The following ZBTB7C variants were observed in gnomAD, a reference collection of about 807,000 sequenced individuals.
ZBTB7C encodes zinc finger and BTB domain-containing protein 7C.
ZBTB7C carries 8 observed loss-of-function variants against 25.7 expected under a neutral mutation model. That is an observed-to-expected ratio of 0.31 (90% confidence interval 0.18 to 0.56). ZBTB7C has a LOEUF of 0.56. Ranked by LOEUF, ZBTB7C falls within the 20% of genes least tolerant of loss-of-function variation. The probability of loss-of-function intolerance (pLI) is 0.91; values close to 1 mark genes in which losing one functional copy is unlikely to be tolerated. For missense variants in ZBTB7C, 824 were observed against 855.2 expected, an observed-to-expected ratio of 0.96 and a Z score of 0.46; for synonymous variants, 394 against 369.0, an observed-to-expected ratio of 1.07 and a Z score of -0.78.
intron 3 of ZBTB7C, among the ~76,000 whole-genome samples, chr18:48,066,376 G>A (rs1001955386): frequency 2.6e-5 from 4 of 152,204 alleles, no homozygotes; most frequent in East Asian, 3.8e-4. Context: ...GGGGTGATGT[G>A]TTTCTAACAA....
At chr18:48,287,377 T>C (rs2045087766) in intron 2 of ZBTB7C, among the ~76,000 whole-genome samples, 1 of 152,200 alleles carries the variant, frequency 6.6e-6, no homozygotes, top group Admixed American at 6.5e-5. Flanking sequence ...CTAAGACAAA[T>C]AGAAAATCTG....
chr18:48,114,729 T>C (rs1446723070), intron 3 of ZBTB7C, among the ~76,000 whole-genome samples: 2 of 152,226 alleles, frequency 1.3e-5, no homozygotes, highest in Non-Finnish European at 2.9e-5. Flanking sequence ...GATCATGGAA[T>C]ACTATTCAGT....
At chr18:48,068,585 C>T (rs1294969513) in intron 3 of ZBTB7C, among the ~76,000 whole-genome samples, 2 of 152,162 alleles carry the variant, frequency 1.3e-5, no homozygotes, top group Admixed American at 6.5e-5. Context: ...GCCTGGGCAT[C>T]AGTGTTTTAA....
chr18:48,031,074 T>C (rs768826851), intron 4 of ZBTB7C, among the ~76,000 whole-genome samples: 15 of 152,164 alleles, frequency 9.9e-5, no homozygotes, highest in African/African-American at 3.4e-4. Context: ...GCTTTGAGGT[T>C]AGAACAGATG....
chr18:48,055,441 G>A lies in ZBTB7C; in HGVS notation c.-16-14318C>T, dbSNP rs1033807952. Among the ~76,000 whole-genome samples, 6 of 145,496 alleles carry A rather than the reference G, an allele frequency of 4.1e-5. No individual in the cohort carries two copies. In the South Asian group the frequency reaches 1.3e-3, roughly 32 times the overall value. On this transcript the variant is annotated intron_variant, in intron 3 of 4. Transcript: ENST00000590800. Reference sequence around the variant, plus strand: ...AAAAAAAAAAAAAAAAAAGAACCAAGTACGGGCTGGGTGCTACAATCAGGA... The same window carrying A: ...AAAAAAAAAAAAAAAAAAGAACCAAATACGGGCTGGGTGCTACAATCAGGA...
At chr18:48,237,268 G>T (rs184847375) in intron 2 of ZBTB7C, among the ~76,000 whole-genome samples, 33 of 152,240 alleles carry the variant, frequency 2.2e-4, no homozygotes, top group African/African-American at 7.9e-4. Context: ...AGGAAATGAT[G>T]CAAAGAGCAA....
chr18:48,099,724 T>C (rs144064929), intron 3 of ZBTB7C, among the ~76,000 whole-genome samples: 32 of 152,332 alleles, frequency 2.1e-4, no homozygotes, highest in African/African-American at 7.5e-4. Flanking sequence ...TGGTTCTCAA[T>C]TGGCCCCTCA....
At chr18:48,378,782 T>C (rs767234594) in intron 1 of ZBTB7C, among the ~76,000 whole-genome samples, 53 of 152,204 alleles carry the variant, frequency 3.5e-4, no homozygotes, top group Non-Finnish European at 6.6e-4. Context: ...ATTCAGAGAA[T>C]AGAAACAAAA....
At chr18:48,410,305 C>G (rs1457942649), upstream of ZBTB7C, among the ~76,000 whole-genome samples, 1 of 152,142 alleles carries the variant, frequency 6.6e-6, no homozygotes, top group Non-Finnish European at 1.5e-5. Context: ...CCCTCTGGAG[C>G]CTTGGGCCCC....
intron 3 of ZBTB7C, chr18:48,169,797 GC>G (rs2041404685): frequency 6.6e-6 from 1 of 151,968 alleles, no homozygotes; most frequent in Non-Finnish European, 1.5e-5. Flanking sequence ...GATATGGACT[GC>G]TTCACGAATT....
chr18:48,086,578 CA>C (rs2038199856), intron 3 of ZBTB7C, among the ~76,000 whole-genome samples: 1 of 152,206 alleles, frequency 6.6e-6, no homozygotes, highest in Non-Finnish European at 1.5e-5. Flanking sequence ...TCTCATCCAC[CA>C]CAATGGAACC....
rs888688333 is a variant in ZBTB7C at position 48,178,218 on chromosome 18, C to A, written c.-17+7716G>T. 3.3e-5 allele frequency among the ~76,000 whole-genome samples: 5 copies of A among 152,336 alleles called. No individual in the cohort carries two copies. In the East Asian group the frequency reaches 9.7e-4, roughly 29 times the overall value. Reference sequence around the variant, plus strand: ...CTGCCATGCCCCTGACTCATGCGGACCCCTGTGGAGGGAGGCAGTGCCCTC... The same window carrying A: ...CTGCCATGCCCCTGACTCATGCGGAACCCTGTGGAGGGAGGCAGTGCCCTC... On this transcript the variant is annotated intron_variant, in intron 3 of 4. Coordinates refer to ENST00000590800, the MANE Select transcript of ZBTB7C (RefSeq NM_001318841.2).
chr18:48,259,376 T>C lies in ZBTB7C; in HGVS notation c.-78-73381A>G, dbSNP rs151147243. Among the ~76,000 whole-genome samples the C allele has an allele frequency of 1.2e-4, 18 of 148,230 alleles. 2 individuals are homozygous for C. Among genetic ancestry groups the C allele is most frequent in the African/African-American group, 4.6e-4 (18 of 38,904 alleles). On this transcript the variant is annotated intron_variant, in intron 2 of 4. Coordinates refer to ENST00000590800, the MANE Select transcript of ZBTB7C (RefSeq NM_001318841.2). ...AAAGCTAAATATATACCTTCTACCATACACAAAATAAACTCAAAAGGGACC... is the reference window on the plus strand; with the variant it reads ...AAAGCTAAATATATACCTTCTACCACACACAAAATAAACTCAAAAGGGACC...
At chr18:48,273,750 A>G (rs1248793666) in intron 2 of ZBTB7C, among the ~76,000 whole-genome samples, 2 of 152,206 alleles carry the variant, frequency 1.3e-5, no homozygotes, top group East Asian at 1.9e-4. Context: ...GTACACTTCT[A>G]CATGTTTGAA....
intron 2 of ZBTB7C, among the ~76,000 whole-genome samples, chr18:48,302,329 C>T (rs966398866): frequency 1.3e-5 from 2 of 152,168 alleles, no homozygotes; most frequent in African/African-American, 2.4e-5. Context: ...CTTGACTTCC[C>T]TTGGCCATTT....
intron 1 of ZBTB7C, among the ~76,000 whole-genome samples, chr18:48,407,342 T>C (rs1014504876): frequency 2.6e-5 from 4 of 152,164 alleles, no homozygotes; most frequent in African/African-American, 7.2e-5. Context: ...TTTGAGGAAT[T>C]TGGGATAATG....
intron 2 of ZBTB7C, among the ~76,000 whole-genome samples, chr18:48,298,867 C>G (rs186743934): frequency 2.5e-4 from 38 of 152,362 alleles, no homozygotes; most frequent in Admixed American, 9.1e-4. Flanking sequence ...GAATGAAGAA[C>G]AGCAGAGCAC....
intron 3 of ZBTB7C, among the ~76,000 whole-genome samples, chr18:48,050,862 T>A (rs2036659081): frequency 6.6e-6 from 1 of 152,198 alleles, no homozygotes; most frequent in Non-Finnish European, 1.5e-5. Context: ...CCTGTTGAGC[T>A]TTACTTTCAG....
At chr18:48,187,690 C>T (rs550357431) in intron 2 of ZBTB7C, among the ~76,000 whole-genome samples, 160 of 151,818 alleles carry the variant, frequency 1.1e-3, no homozygotes, top group Non-Finnish European at 2.0e-3. Flanking sequence ...GTGTGGGGGC[C>T]GGTGCCTGTA....
Sources: gnomAD v4.1 joint callset for allele counts (sites outside exome capture counted in the v4.1 genomes callset) on GRCh38, gnomAD v4.1.1 for gene constraint, MANE v1.5 for transcripts, NCBI Gene and HGNC (gene_info 2026-07-23, HGNC 2026-07-21) for gene names.